The following MEGF11 variants were observed in gnomAD, a reference collection of about 807,000 sequenced individuals.
MEGF11 encodes multiple EGF like domains 11, also known as multiple epidermal growth factor-like domains protein 11.
A neutral mutation model predicts 146.6 loss-of-function variants in MEGF11; 126 were observed. The ratio of observed to expected loss-of-function variants is 0.86; its 90% CI spans 0.74 to 1.00. The LOEUF is 1.00. Ranked by LOEUF, MEGF11 falls within the 50% of genes least tolerant of loss-of-function variation. The pLI is 0.00. For missense variants in MEGF11, 1,509 were observed against 1,521.2 expected (o/e 0.99, Z 0.13); for synonymous variants, 532 against 583.4 (o/e 0.91, Z 1.27).
chr15:66,076,066 T>A (rs999128806), intron 5 of MEGF11, among the ~76,000 whole-genome samples: 1 of 152,130 alleles, frequency 6.6e-6, no homozygotes, highest in Non-Finnish European at 1.5e-5. Flanking sequence ...GATGAATGAA[T>A]AAACAGATGG....
At chr15:66,150,823 CGAGA>C (rs66595752) in intron 1 of MEGF11, among the ~76,000 whole-genome samples, 13,252 of 103,452 alleles carry the variant, frequency 0.13, 1,019 homozygotes, top group East Asian at 0.22. Flanking sequence ...AATGCCCTGT[CGAGA>C]GAGAGAGAGA....
Position 66,010,503 on chromosome 15 carries a change from A to G in MEGF11, c.395-28015T>C, listed in dbSNP as rs145719645. ...TCACCGCACCCAGCAAAATCTCATAATGTTTTAAGAAGGTATATGAATTTG... is the reference window on the plus strand; with the variant it reads ...TCACCGCACCCAGCAAAATCTCATAGTGTTTTAAGAAGGTATATGAATTTG... On this transcript the variant is annotated intron_variant, in intron 5 of 25. Coordinates refer to ENST00000395614, the MANE Select transcript of MEGF11 (RefSeq NM_001385028.1). Among the ~76,000 whole-genome samples, 399 of 152,204 alleles carry G rather than the reference A, an allele frequency of 2.6e-3. 1 individual carries two copies. The highest frequency in any genetic ancestry group is 9.2e-3 in the African/African-American group (383 of 41,546).
At chr15:66,147,685 G>A (rs1220558838) in intron 1 of MEGF11, among the ~76,000 whole-genome samples, 3 of 152,226 alleles carry the variant, frequency 2.0e-5, no homozygotes, top group African/African-American at 7.2e-5. Context: ...TTCTCACCTA[G>A]GAACTCTAGG....
At chr15:66,066,180 C>T (rs982207022) in intron 5 of MEGF11, among the ~76,000 whole-genome samples, 1 of 152,144 alleles carries the variant, frequency 6.6e-6, no homozygotes, top group East Asian at 1.9e-4. Flanking sequence ...AGCTCAGGAA[C>T]AAGATCATGA....
chr15:65,904,900 C>T (rs1340130203), intron 24 of MEGF11, among the ~76,000 whole-genome samples: 9 of 152,158 alleles, frequency 5.9e-5, no homozygotes, highest in Non-Finnish European at 8.8e-5. Flanking sequence ...TTGGCTTAAG[C>T]GCTTTTTTCT....
intron 5 of MEGF11, among the ~76,000 whole-genome samples, chr15:66,021,398 G>C (rs1370962617): frequency 6.6e-6 from 1 of 152,194 alleles, no homozygotes; most frequent in Admixed American, 6.5e-5. Flanking sequence ...TTCTGTTGTA[G>C]ACACTTGGAA....
At chr15:66,046,275 C>T (rs2084198946) in intron 5 of MEGF11, among the ~76,000 whole-genome samples, 1 of 152,154 alleles carries the variant, frequency 6.6e-6, no homozygotes, top group African/African-American at 2.4e-5. Context: ...CCCTGCAGCC[C>T]TTAACGTACA....
intron 1 of MEGF11, among the ~76,000 whole-genome samples, chr15:66,184,637 C>T (rs1352588674): frequency 1.3e-5 from 2 of 148,914 alleles, no homozygotes; most frequent in African/African-American, 5.0e-5. Flanking sequence ...AAAATGTGCA[C>T]CCTGCCCTGG....
intron 1 of MEGF11, among the ~76,000 whole-genome samples, chr15:66,142,862 G>C (rs1424797202): frequency 6.6e-6 from 1 of 152,204 alleles, no homozygotes; most frequent in East Asian, 1.9e-4. Context: ...GGGCCTGAAG[G>C]CCTGAGTTTG....
intron 5 of MEGF11, among the ~76,000 whole-genome samples, chr15:66,073,774 CT>C (rs1440486510): frequency 2.6e-5 from 4 of 152,210 alleles, no homozygotes; most frequent in Non-Finnish European, 2.9e-5. Context: ...CCCTTCCTTG[CT>C]GCCCAACCCA....
At chr15:65,962,059 T>A (rs540084659) in intron 9 of MEGF11, among the ~76,000 whole-genome samples, 2 of 152,346 alleles carry the variant, frequency 1.3e-5, no homozygotes, top group South Asian at 2.1e-4. Context: ...TAGACAGAGA[T>A]AGGTTTGAGG....
intron 1 of MEGF11, among the ~76,000 whole-genome samples, chr15:66,143,628 G>A (rs1021895918): frequency 1.3e-5 from 2 of 152,208 alleles, no homozygotes; most frequent in Non-Finnish European, 2.9e-5. Context: ...GATGCCTCAG[G>A]AAAGCTTCCG....
chr15:66,195,817 T>C (rs926453075), intron 1 of MEGF11, among the ~76,000 whole-genome samples: 11 of 152,316 alleles, frequency 7.2e-5, no homozygotes, highest in African/African-American at 2.6e-4. Context: ...GTATGTGGAA[T>C]GAGCCGCGGT....
chr15:66,199,262 C>CA (rs1406803409), intron 1 of MEGF11, among the ~76,000 whole-genome samples: 1 of 152,098 alleles, frequency 6.6e-6, no homozygotes, highest in East Asian at 1.9e-4. Context: ...TATTAGAGTT[C>CA]AAAACTTCTT....
At chr15:66,129,546 CAT>C (rs1043000528) in intron 1 of MEGF11, among the ~76,000 whole-genome samples, 1 of 152,036 alleles carries the variant, frequency 6.6e-6, no homozygotes, top group Admixed American at 6.6e-5. Flanking sequence ...GTGGGGGTGT[CAT>C]AGAAAATATT....
rs540220942 is a variant in MEGF11 at position 66,193,820 on chromosome 15, A to T, written c.-9+59785T>A. On this transcript the variant is annotated intron_variant, in intron 1 of 25. Transcript: ENST00000395614. ...TATTATATTATATTATTCTGTTATA[A>T]ATATATTGCTTTCCTGGAGGACTGT... is the stretch of plus-strand genomic sequence containing the variant. 5.3e-5 allele frequency among the ~76,000 whole-genome samples: 8 copies of T among 152,086 alleles called. No homozygotes were observed. In the South Asian group the frequency reaches 1.7e-3, roughly 32 times the overall value.
intron 1 of MEGF11, among the ~76,000 whole-genome samples, chr15:66,139,460 G>T (rs2089043334): frequency 6.6e-6 from 1 of 152,202 alleles, no homozygotes; most frequent in Non-Finnish European, 1.5e-5. Flanking sequence ...CAAAGACTCT[G>T]TCATGGGAGC....
intron 1 of MEGF11, among the ~76,000 whole-genome samples, chr15:66,246,186 G>C (rs1278593045): frequency 6.6e-6 from 1 of 152,204 alleles, no homozygotes; most frequent in Non-Finnish European, 1.5e-5. Flanking sequence ...GAACCCGAGA[G>C]GGAGAGTTTG....
chr15:66,117,669 C>T (rs1234481627), intron 4 of MEGF11, among the ~76,000 whole-genome samples: 1 of 152,102 alleles, frequency 6.6e-6, no homozygotes, highest in Non-Finnish European at 1.5e-5. Flanking sequence ...GTGTCCTACC[C>T]CTGGTCTCAT....
Sources: allele counts gnomAD v4.1 joint callset (sites outside exome capture counted in the v4.1 genomes callset), GRCh38; gene constraint gnomAD v4.1.1; transcripts MANE v1.5; gene names NCBI Gene and HGNC (gene_info 2026-07-23, HGNC 2026-07-21).